The following IQSEC1 variants were observed in gnomAD, a reference collection of about 807,000 sequenced individuals.
The protein encoded by IQSEC1 is IQ motif and Sec7 domain ArfGEF 1.
A neutral mutation model predicts 91.0 loss-of-function variants in IQSEC1; 31 were observed. That is an observed-to-expected ratio of 0.34 (90% confidence interval 0.26 to 0.46). IQSEC1 has a LOEUF of 0.46. Ranked by LOEUF, IQSEC1 falls within the 20% of genes least tolerant of loss-of-function variation. The pLI, the probability that IQSEC1 is intolerant of heterozygous loss-of-function variation, is 1.00. For missense variants in IQSEC1, 1,388 were observed against 1,575.6 expected (o/e 0.88, Z 2.02); for synonymous variants, 699 against 662.6 (o/e 1.05, Z -0.84).
chr3:12,943,304 G>A (rs1698928836), intron 1 of IQSEC1, among the ~76,000 whole-genome samples: 1 of 152,192 alleles, frequency 6.6e-6, no homozygotes. Flanking sequence ...CCCCTGGTGG[G>A]GCCATGCGGG....
At chr3:13,081,239 G>A (rs758834272) in intron 2 of IQSEC1, among the ~76,000 whole-genome samples, 64 of 152,134 alleles carry the variant, frequency 4.2e-4, no homozygotes, top group Non-Finnish European at 7.1e-4. Context: ...CAGAATAACT[G>A]GTCAGCTTTA....
intron 2 of IQSEC1, among the ~76,000 whole-genome samples, chr3:13,154,103 A>G (rs1329995343): frequency 6.6e-6 from 1 of 151,848 alleles, no homozygotes; most frequent in African/African-American, 2.4e-5. Context: ...GAAAATCCAC[A>G]TGGGGGAGCC....
chr3:12,906,770 C>T (rs114458921), intron 12 of IQSEC1, among the ~76,000 whole-genome samples: 2,381 of 152,298 alleles, frequency 0.016, 59 homozygotes, highest in African/African-American at 0.054. Context: ...GGGCGGATGG[C>T]GCTCAAGGGC....
chr3:13,241,279 G>A (rs941931019), intron 1 of IQSEC1, among the ~76,000 whole-genome samples: 1 of 152,208 alleles, frequency 6.6e-6, no homozygotes, highest in African/African-American at 2.4e-5. Flanking sequence ...ACACAAGCAG[G>A]CGAAAGCAGC....
chr3:12,911,337 TA>T (rs1349028422), intron 10 of IQSEC1, among the ~76,000 whole-genome samples: 3 of 152,254 alleles, frequency 2.0e-5, no homozygotes, highest in African/African-American at 7.2e-5. Context: ...AACATTTACA[TA>T]AATGTATTTC....
intron 2 of IQSEC1, among the ~76,000 whole-genome samples, chr3:13,112,789 G>A (rs147174176): frequency 6.6e-6 from 1 of 152,222 alleles, no homozygotes; most frequent in Non-Finnish European, 1.5e-5. Flanking sequence ...TGACCACAGG[G>A]CCCAGGTGAC....
At chr3:13,020,480 A>G (rs1489122901) in intron 1 of IQSEC1, among the ~76,000 whole-genome samples, 1 of 152,192 alleles carries the variant, frequency 6.6e-6, no homozygotes, top group African/African-American at 2.4e-5. Flanking sequence ...GGCCACTGTA[A>G]TTATGGTTTC....
upstream of IQSEC1, among the ~76,000 whole-genome samples, chr3:13,073,431 G>C (rs1450342872): frequency 6.6e-6 from 1 of 152,118 alleles, no homozygotes; most frequent in African/African-American, 2.4e-5. Context: ...GCAGCATCCG[G>C]AGAAGGGGCG....
intron 1 of IQSEC1, among the ~76,000 whole-genome samples, chr3:13,188,702 T>G (rs1169217411): frequency 6.6e-6 from 1 of 152,190 alleles, no homozygotes; most frequent in African/African-American, 2.4e-5. Context: ...GAGCTCAACC[T>G]ACCGAGCTAG....
At chr3:13,206,461 C>G (rs2125056979) in intron 1 of IQSEC1, among the ~76,000 whole-genome samples, 1 of 152,230 alleles carries the variant, frequency 6.6e-6, no homozygotes, top group South Asian at 2.1e-4. Flanking sequence ...ATCAGAGTGG[C>G]TAAAATTAAC....
chr3:12,956,037 C>T (rs1167534122), intron 1 of IQSEC1, among the ~76,000 whole-genome samples: 1 of 152,182 alleles, frequency 6.6e-6, no homozygotes, highest in African/African-American at 2.4e-5. Flanking sequence ...ATCTAAGTTT[C>T]GGACTCATCT....
rs921120507 is a variant in IQSEC1 at position 12,900,583 on chromosome 3, GGTTT to G, written c.*396_*399del. On this transcript the variant is annotated 3_prime_UTR_variant, in exon 14 of 14. Transcript: ENST00000613206. ...AGAGCAATAATGCAGCAAGTTTTGG[GGTTT>G]GTTTTGTCTGTTTTTGTATCTCATT... 5.5e-5 allele frequency: 56 copies of G among 1,015,582 alleles called. No homozygotes were observed. Among genetic ancestry groups the G allele is most frequent in the African/African-American group, 3.1e-4 (18 of 58,024 alleles). 62.9% of individuals were successfully genotyped at this position (1,015,582 alleles called of 1,614,324 possible). A position where few individuals can be genotyped will look rare whatever the true frequency, so the allele number is the denominator to read the frequency against.
intron 1 of IQSEC1, among the ~76,000 whole-genome samples, chr3:12,943,478 G>T (rs1698946101): frequency 6.6e-6 from 1 of 152,200 alleles, no homozygotes; most frequent in Non-Finnish European, 1.5e-5. Context: ...CAGGTGCCCT[G>T]TCCCTGTCAG....
At chr3:13,071,593 C>T (rs1185420404) in intron 1 of IQSEC1, among the ~76,000 whole-genome samples, 5 of 152,178 alleles carry the variant, frequency 3.3e-5, no homozygotes, top group African/African-American at 7.2e-5. Context: ...GAAAATGCAG[C>T]GAGGGCCTTG....
intron 1 of IQSEC1, among the ~76,000 whole-genome samples, chr3:13,177,893 T>A (rs1326878819): frequency 6.6e-6 from 1 of 152,166 alleles, no homozygotes; most frequent in East Asian, 1.9e-4. Context: ...TACCAACAGC[T>A]GACACTAGAG....
rs79783982 is a variant in IQSEC1 at position 12,986,799 on chromosome 3, T to C, written c.24-44934A>G. On this transcript the variant is annotated intron_variant, in intron 1 of 13. Transcript: ENST00000613206. The stretch of plus-strand genomic sequence containing the variant: ...GTGCCTGTGCGCATATGTGAGCTCA[T>C]GTGTGCTCCCCACAGGGGACCGAGA... Among the ~76,000 whole-genome samples, 1,456 of 152,304 alleles carry C rather than the reference T, an allele frequency of 9.6e-3. 22 individuals carry two copies. Among genetic ancestry groups the C allele is most frequent in the African/African-American group, 0.034 (1,402 of 41,558 alleles).
At chr3:12,973,392 G>A (rs946629634) in intron 1 of IQSEC1, among the ~76,000 whole-genome samples, 3 of 152,194 alleles carry the variant, frequency 2.0e-5, no homozygotes, top group South Asian at 2.1e-4. Flanking sequence ...CCTTCTCTTT[G>A]AGGCCTCCCC....
At chr3:13,208,869 G>A (rs1466262560) in intron 1 of IQSEC1, among the ~76,000 whole-genome samples, 1 of 152,238 alleles carries the variant, frequency 6.6e-6, no homozygotes, top group African/African-American at 2.4e-5. Flanking sequence ...TGGAGTGCCT[G>A]GGGGTTGCCC....
chr3:13,172,618 T>C (rs1693639239), intron 1 of IQSEC1, among the ~76,000 whole-genome samples: 1 of 152,196 alleles, frequency 6.6e-6, no homozygotes, highest in Non-Finnish European at 1.5e-5. Context: ...GTGCCTGGCA[T>C]GTCCTGACTT....
Sources: allele counts gnomAD v4.1 joint callset (sites outside exome capture counted in the v4.1 genomes callset), GRCh38; gene constraint gnomAD v4.1.1; transcripts MANE v1.5; gene names NCBI Gene and HGNC (gene_info 2026-07-23, HGNC 2026-07-21).